Variants in PAXBP1 observed in about 807,000 individuals in gnomAD.
PAXBP1 encodes the protein PAX3 and PAX7 binding protein 1.
PAXBP1 carries 44 observed loss-of-function variants against 119.9 expected under a neutral mutation model. The observed-to-expected ratio is 0.37, with a 90% CI of 0.29 to 0.47. The LOEUF is 0.47. Ranked by LOEUF, PAXBP1 falls within the 20% of genes least tolerant of loss-of-function variation. PAXBP1 has a pLI of 0.99. For missense variants in PAXBP1, 898 were observed against 1,134.1 expected (o/e 0.79, Z 2.99); for synonymous variants, 393 against 406.6 (o/e 0.97, Z 0.40).
Position 32,737,378 on chromosome 21 carries a change from T to C in PAXBP1, c.2512A>G (p.Met838Val). 5 of 1,608,130 alleles carry C rather than the reference T, an allele frequency of 3.1e-6. No homozygotes were observed. Among genetic ancestry groups the C allele is most frequent in the Middle Eastern group, 1.7e-4 (1 of 6,038 alleles). ...VINCFPKQWF[M>V]NLKGERTISQ... is the part of the protein sequence containing the mutation. Reference sequence around the variant, plus strand: ...ATAGTCCTTTCTCCTTTCAGATTCATGAACCATTGTTTGGGGAAACAATTG... The same window carrying C: ...ATAGTCCTTTCTCCTTTCAGATTCACGAACCATTGTTTGGGGAAACAATTG... Residue 838 changes from methionine to valine, a missense_variant, in exon 17 of 18, where the codon ATG (methionine) becomes GTG (valine). By Grantham distance (21) the Met-to-Val change is conservative. This residue lies in a region of PAXBP1 where 599 missense variants were observed against 852.7 expected (regional missense o/e 0.70). Coordinates refer to ENST00000331923, the MANE Select transcript of PAXBP1 (RefSeq NM_016631.4).
chr21:32,743,210 C>A, intron 15 of PAXBP1, 38 bp downstream of exon 15: 2 of 1,485,700 alleles, frequency 1.3e-6, no homozygotes, highest in Admixed American at 2.0e-5. Flanking sequence ...TGAAGTCAAA[C>A]GAAATCTGAG....
chr21:32,757,267 T>C (rs1424160046), intron 7 of PAXBP1, among the ~76,000 whole-genome samples: 3 of 152,192 alleles, frequency 2.0e-5, no homozygotes, highest in Admixed American at 6.5e-5. Context: ...ATTTATATTA[T>C]CAACTCAGCA....
At chr21:32,762,465 C>G (rs2044165788) in intron 3 of PAXBP1, 148 bp from the exon 4 acceptor site, 1 of 1,124,726 alleles carries the variant, frequency 8.9e-7, no homozygotes, top group East Asian at 2.6e-5. Context: ...GTCTGCAATC[C>G]AAAAGATTGT....
chr21:32,758,058 G>A (rs2044072317), intron 7 of PAXBP1, among the ~76,000 whole-genome samples: 1 of 152,208 alleles, frequency 6.6e-6, no homozygotes, highest in Non-Finnish European at 1.5e-5. Flanking sequence ...ATCTCATCCT[G>A]AATCTGGCCA....
At position 32,771,427 on chromosome 21, in the gene PAXBP1, C is replaced by T; in HGVS notation, c.242G>A (p.Gly81Asp). 6.5e-7 allele frequency: 1 copy of T among 1,531,846 alleles called. No homozygotes were observed. Among genetic ancestry groups the T allele is most frequent in the Non-Finnish European group, 8.7e-7 (1 of 1,149,448 alleles). 94.9% of individuals were successfully genotyped at this position (1,531,846 alleles called of 1,614,324 possible). ...LGAEAGGGFP[G>D]GAEPGNGLKP... Reference sequence around the variant, plus strand: ...CAGCCCGTTGCCGGGCTCCGCGCCGCCGGGGAAGCCGCCCCCGGCCTCAGC... The same window carrying T: ...CAGCCCGTTGCCGGGCTCCGCGCCGTCGGGGAAGCCGCCCCCGGCCTCAGC... The change falls in exon 1 of 18, where the codon GGC becomes GAC. Residue 81 changes from glycine (G) to aspartate (D), a missense_variant. Transcript: ENST00000331923.
intron 2 of PAXBP1, among the ~76,000 whole-genome samples, chr21:32,768,737 C>G (rs1050327816): frequency 2.0e-5 from 3 of 152,202 alleles, no homozygotes; most frequent in African/African-American, 7.2e-5. Context: ...GCCACTGTAG[C>G]AAATGTAAAC....
intron 17 of PAXBP1, 53 bp downstream of exon 17, chr21:32,737,201 A>C: frequency 7.5e-7 from 1 of 1,334,154 alleles, no homozygotes; most frequent in Non-Finnish European, 1.0e-6. Context: ...TTTTAATACT[A>C]AATCTGGCAA....
intron 13 of PAXBP1, 92 bp downstream of exon 13, chr21:32,744,700 T>C (rs182456360): frequency 3.5e-4 from 442 of 1,264,382 alleles, no homozygotes; most frequent in Middle Eastern, 1.5e-3. Context: ...AGATTTCTGA[T>C]TGGTTTAGGA....
At chr21:32,755,521 G>T in intron 7 of PAXBP1, 168 bp from the exon 8 acceptor site, 1 of 742,720 alleles carries the variant, frequency 1.3e-6, no homozygotes, top group Non-Finnish European at 2.0e-6. Flanking sequence ...TTTGGGAAAC[G>T]ACACTTCTTC....
At chr21:32,767,265 G>T (rs1221936868) in intron 2 of PAXBP1, among the ~76,000 whole-genome samples, 1 of 152,204 alleles carries the variant, frequency 6.6e-6, no homozygotes, top group African/African-American at 2.4e-5. Context: ...AGGGTTGAAG[G>T]TAGGAAGAGT....
chr21:32,748,564 G>A lies in PAXBP1; in HGVS notation c.1858C>T (p.Leu620Phe). The stretch of plus-strand genomic sequence containing the variant: ...GGGTTGAATAATTTTGGCAAACAAA[G>A]GCCAATGTAAGCATCTTTGTAGGAT... Reference protein sequence around the residue: ...YTSYKDAYIGLCLPKLFNPLI... With the variant: ...YTSYKDAYIGFCLPKLFNPLI... Residue 620 changes from leucine to phenylalanine, a missense_variant, in exon 11 of 18, where the codon CTT (leucine) becomes TTT (phenylalanine). Physicochemically the swap from Leu to Phe is conservative, Grantham distance 22 (BLOSUM62 0). Transcript: ENST00000331923. 1 of 1,614,002 alleles carries A rather than the reference G, an allele frequency of 6.2e-7. No homozygotes were observed. Among genetic ancestry groups the A allele is most frequent in the Non-Finnish European group, 8.5e-7 (1 of 1,179,928 alleles).
chr21:32,740,366 C>T (rs543470995), intron 15 of PAXBP1, among the ~76,000 whole-genome samples: 4 of 152,258 alleles, frequency 2.6e-5, no homozygotes, highest in East Asian at 1.9e-4. Flanking sequence ...AGCTGTGCCC[C>T]GACCACCTTG....
At chr21:32,765,895 G>C (rs914242773) in intron 2 of PAXBP1, among the ~76,000 whole-genome samples, 22 of 135,372 alleles carry the variant, frequency 1.6e-4, no homozygotes, top group African/African-American at 6.0e-4. Context: ...AATCCCCTGG[G>C]AGGCCAAGGC....
At chr21:32,767,481 T>C (rs890242784) in intron 2 of PAXBP1, among the ~76,000 whole-genome samples, 1 of 152,196 alleles carries the variant, frequency 6.6e-6, no homozygotes. Context: ...CAACAATAAA[T>C]GGCAACTAAT....
At chr21:32,740,958 C>G (rs974873618) in intron 15 of PAXBP1, among the ~76,000 whole-genome samples, 1 of 152,092 alleles carries the variant, frequency 6.6e-6, no homozygotes, top group African/African-American at 2.4e-5. Context: ...TAAACAAATT[C>G]CAAATAAGCA....
At chr21:32,737,518 C>A (rs535356129) in intron 16 of PAXBP1, 110 bp from the exon 17 acceptor site, 2 of 873,512 alleles carry the variant, frequency 2.3e-6, no homozygotes, top group East Asian at 5.5e-5. Flanking sequence ...AGACGTGCTT[C>A]TGAGCTACAG....
At chr21:32,771,070 G>GA (rs1261576611) in intron 1 of PAXBP1, among the ~76,000 whole-genome samples, 4 of 152,244 alleles carry the variant, frequency 2.6e-5, no homozygotes, top group Non-Finnish European at 4.4e-5. Context: ...AATTTCCCCT[G>GA]AAACACTCTG....
At chr21:32,757,800 C>T (rs1337260026) in intron 7 of PAXBP1, among the ~76,000 whole-genome samples, 1 of 152,232 alleles carries the variant, frequency 6.6e-6, no homozygotes, top group Non-Finnish European at 1.5e-5. Flanking sequence ...CCACCATGCC[C>T]ACTGGGCTCA....
chr21:32,763,212 A>G (rs2044180003), intron 3 of PAXBP1, among the ~76,000 whole-genome samples: 1 of 152,220 alleles, frequency 6.6e-6, no homozygotes, highest in African/African-American at 2.4e-5. Flanking sequence ...GAGTATAGCA[A>G]AAATTAATGC....
Sources: allele counts gnomAD v4.1 joint callset (sites outside exome capture counted in the v4.1 genomes callset), GRCh38; gene constraint gnomAD v4.1.1; regional missense constraint gnomAD v4.1.1; transcripts MANE v1.5; gene names NCBI Gene and HGNC (gene_info 2026-07-23, HGNC 2026-07-21).